NEURL1: variants seen among roughly 807,000 people sequenced by gnomAD.
NEURL1 encodes the protein E3 ubiquitin-protein ligase NEURL1.
NEURL1 carries 26 observed loss-of-function variants against 41.2 expected under a neutral mutation model. The observed-to-expected ratio is 0.63, with a 90% CI of 0.46 to 0.87. The LOEUF is 0.87. NEURL1 is among the 40% of genes least tolerant of loss of function. NEURL1 has a pLI of 0.00. For missense variants in NEURL1, 761 were observed against 871.1 expected, an observed-to-expected ratio of 0.87 and a Z score of 1.59; for synonymous variants, 400 against 402.3, an observed-to-expected ratio of 0.99 and a Z score of 0.07.
Position 103,494,481 on chromosome 10 carries a change from C to CCCGG in NEURL1, c.85+13_85+16dup, listed in dbSNP as rs1453029077. The CCCGG allele has an allele frequency of 1.3e-6, 2 of 1,549,934 alleles. No individual in the cohort carries two copies. Among genetic ancestry groups the CCCGG allele is most frequent in the African/African-American group, 1.4e-5 (1 of 71,764 alleles). ...CCCCCAGAACCTCAAAGGTAGGCTC[C>CCCGG]CCGGCCGAGCGCTGCTGGAGGACTG... On this transcript the variant is annotated intron_variant, in intron 1 of 5. Transcript: ENST00000369780.
chr10:103,573,792 A>G (rs2035598233), intron 3 of NEURL1, among the ~76,000 whole-genome samples: 2 of 152,126 alleles, frequency 1.3e-5, no homozygotes, highest in Admixed American at 1.3e-4. Flanking sequence ...GCTTTTCCCT[A>G]AGCAAAAAGT....
rs1041942421 is a variant in NEURL1 at position 103,590,679 on chromosome 10, T to C, written c.*307T>C. 2 of 417,826 alleles carry C rather than the reference T, an allele frequency of 4.8e-6. No individual in the cohort carries two copies. The highest frequency in any genetic ancestry group is 9.5e-5 in the East Asian group (2 of 21,004). The allele number at this position is 417,826 out of a possible 1,614,324, so 25.9% of individuals were successfully genotyped here. A position where few individuals can be genotyped will look rare whatever the true frequency, so the allele number is the denominator to read the frequency against. On this transcript the variant is annotated 3_prime_UTR_variant, in exon 6 of 6. Coordinates refer to ENST00000369780, the MANE Select transcript of NEURL1 (RefSeq NM_004210.5). ...AAATTGGGATCTCAGCCTGCCCTAATCTTTCCCCATCTGAGGCAGGTTTCT... is the reference window on the plus strand; with the variant it reads ...AAATTGGGATCTCAGCCTGCCCTAACCTTTCCCCATCTGAGGCAGGTTTCT...
chr10:103,514,300 C>T (rs1348033316), intron 1 of NEURL1, among the ~76,000 whole-genome samples: 1 of 152,076 alleles, frequency 6.6e-6, no homozygotes, highest in Non-Finnish European at 1.5e-5. Flanking sequence ...CCATGTTGGT[C>T]AGGATGGTCT....
In NEURL1 at chr10:103,494,271, C is replaced by T. The variant is rs1411293126; in HGVS notation, c.-117C>T. ...GCCCGCCCGCCCCCGGCTGCAGCCC[C>T]AGCAGGGCCCTCCCCCGGTGGCGCG... On this transcript the variant is annotated 5_prime_UTR_variant, in exon 1 of 6. Coordinates refer to ENST00000369780, the MANE Select transcript of NEURL1 (RefSeq NM_004210.5). The T allele has an allele frequency of 2.1e-5, 16 of 758,454 alleles. No individual in the cohort carries two copies. Among genetic ancestry groups the T allele is most frequent in the African/African-American group, 3.8e-5 (2 of 53,004 alleles). 47.0% of individuals were successfully genotyped at this position (758,454 alleles called of 1,614,324 possible).
intron 1 of NEURL1, among the ~76,000 whole-genome samples, chr10:103,495,761 G>C (rs530395390): frequency 6.6e-6 from 1 of 152,298 alleles, no homozygotes; most frequent in South Asian, 2.1e-4. Flanking sequence ...CAGTGGATTT[G>C]TTGTGTCTTT....
At chr10:103,524,053 C>T (rs962481350) in intron 1 of NEURL1, among the ~76,000 whole-genome samples, 1 of 152,150 alleles carries the variant, frequency 6.6e-6, no homozygotes, top group Non-Finnish European at 1.5e-5. Flanking sequence ...ATTTACATTC[C>T]CGCCTGCAGA....
chr10:103,564,436 C>T (rs7084927), intron 1 of NEURL1, among the ~76,000 whole-genome samples: 3,056 of 150,402 alleles, frequency 0.02, 103 homozygotes, highest in African/African-American at 0.069. Context: ...AGCCCACACG[C>T]CCCCCCCATT....
chr10:103,578,754 T>G (rs575040467), intron 3 of NEURL1, among the ~76,000 whole-genome samples: 24 of 152,286 alleles, frequency 1.6e-4, no homozygotes, highest in Admixed American at 6.5e-4. Flanking sequence ...TTTCCCATGG[T>G]TGGGTTTAAA....
rs1190937218 is a variant in NEURL1, at chr10:103,508,511, G to C, written c.85+14039G>C. On this transcript the variant is annotated intron_variant, in intron 1 of 5. Transcript: ENST00000369780. The surrounding 1 kb of genome is among the most constrained non-coding windows in gnomAD (Gnocchi z 4.3). ...TCAATGGAGTGCCAGCCCTGTCTGG[G>C]TGGACAGACTTTCTCACCCACCCCT... is the stretch of plus-strand genomic sequence containing the variant. Among the ~76,000 whole-genome samples, 1 of 152,186 alleles carries C rather than the reference G, an allele frequency of 6.6e-6. No homozygotes were observed. The highest frequency in any genetic ancestry group is 1.5e-5 in the Non-Finnish European group (1 of 68,036).
At chr10:103,559,345 A>T (rs1208969303) in intron 1 of NEURL1, among the ~76,000 whole-genome samples, 1 of 152,044 alleles carries the variant, frequency 6.6e-6, no homozygotes, top group African/African-American at 2.4e-5. Context: ...GCATTCCCTT[A>T]CCTCAGCCTG....
Position 103,584,533 on chromosome 10 carries a change from C to A in NEURL1, c.650-3C>A. 1 of 1,362,300 alleles carries A rather than the reference C, an allele frequency of 7.3e-7. No individual in the cohort carries two copies. Among genetic ancestry groups the A allele is most frequent in the Non-Finnish European group, 9.4e-7 (1 of 1,062,786 alleles). The allele number at this position is 1,362,300 out of a possible 1,614,324, so 84.4% of individuals were successfully genotyped here. A position where few individuals can be genotyped will look rare whatever the true frequency, so the allele number is the denominator to read the frequency against. The stretch of plus-strand genomic sequence containing the variant: ...GTGACACTGCCCCGTGTCTCCCGCG[C>A]AGATAGCGAGCTGGTGCTCCCGGAC... On this transcript the variant is annotated splice_region_variant and splice_polypyrimidine_tract_variant and intron_variant, in intron 3 of 5. Transcript: ENST00000369780.
chr10:103,590,550 G>A lies in NEURL1; in HGVS notation c.*178G>A, dbSNP rs1030443830. 9.9e-6 allele frequency: 6 copies of A among 607,388 alleles called. No homozygotes were observed. In the Admixed American group the frequency reaches 1.2e-4, roughly 12 times the overall value. 37.6% of individuals were successfully genotyped at this position (607,388 alleles called of 1,614,324 possible). A position where few individuals can be genotyped will look rare whatever the true frequency, so the allele number is the denominator to read the frequency against. On this transcript the variant is annotated 3_prime_UTR_variant, in exon 6 of 6. Coordinates refer to ENST00000369780, the MANE Select transcript of NEURL1 (RefSeq NM_004210.5). ...GGAGAGGGGGGTATCAGGCAGGGAG[G>A]GGGCAGAGGCAAATCACCGGGCAGA...
chr10:103,575,544 A>C (rs1414916027), intron 3 of NEURL1, among the ~76,000 whole-genome samples: 3 of 152,226 alleles, frequency 2.0e-5, no homozygotes, highest in Non-Finnish European at 4.4e-5. Context: ...AGGTCAGGCC[A>C]TGGATGGGTT....
intron 1 of NEURL1, among the ~76,000 whole-genome samples, chr10:103,502,140 C>T (rs1009773675): frequency 6.6e-5 from 10 of 152,160 alleles, no homozygotes; most frequent in African/African-American, 2.4e-4. Context: ...AAACACTGAG[C>T]TAGGAAAGAG....
chr10:103,588,591 G>A, intron 4 of NEURL1: 1 of 337,858 alleles, frequency 3.0e-6, no homozygotes, highest in South Asian at 2.2e-5. Context: ...TAGGTCCTTG[G>A]TAAGGATTTG....
intron 1 of NEURL1, among the ~76,000 whole-genome samples, chr10:103,553,559 C>G (rs911657565): frequency 6.6e-6 from 1 of 152,196 alleles, no homozygotes; most frequent in Non-Finnish European, 1.5e-5. Context: ...TGCTCTCCCC[C>G]AGATCCCGCC....
chr10:103,505,496 A>G (rs940180488), intron 1 of NEURL1, among the ~76,000 whole-genome samples: 1 of 152,124 alleles, frequency 6.6e-6, no homozygotes, highest in Admixed American at 6.5e-5. Context: ...AAATGTTGGT[A>G]TTACAGGCTT....
Position 103,591,913 on chromosome 10 carries a change from C to T in NEURL1, c.*1541C>T, listed in dbSNP as rs2036057390. The stretch of plus-strand genomic sequence containing the variant: ...GGGAAGATGAGGAGGCAAGGGCTGC[C>T]TCTCACACCTCCAGGTTCTCTAAGT... On this transcript the variant is annotated 3_prime_UTR_variant, in exon 6 of 6. Transcript: ENST00000369780. The T allele has an allele frequency of 6.6e-6, 1 of 152,352 alleles. No homozygotes were observed. Among genetic ancestry groups the T allele is most frequent in the Admixed American group, 6.5e-5 (1 of 15,292 alleles). The allele number at this position is 152,352 out of a possible 1,614,324, so 9.4% of individuals were successfully genotyped here.
intron 1 of NEURL1, among the ~76,000 whole-genome samples, chr10:103,548,526 T>C (rs1264839905): frequency 2.0e-5 from 3 of 151,470 alleles, no homozygotes; most frequent in East Asian, 1.9e-4. Context: ...TTTCATCATG[T>C]TGGCCAGGAT....
Sources: gnomAD v4.1 joint callset for allele counts (sites outside exome capture counted in the v4.1 genomes callset) on GRCh38, gnomAD v4.1.1 for gene constraint, Gnocchi (gnomAD v3.1) non-coding constraint, MANE v1.5 for transcripts, NCBI Gene and HGNC (gene_info 2026-07-23, HGNC 2026-07-21) for gene names.